C9orf43: variants seen among roughly 807,000 people sequenced by gnomAD.
C9orf43 encodes the protein chromosome 9 open reading frame 43, also known as uncharacterized protein C9orf43.
In C9orf43, 45 loss-of-function variants were observed where a neutral mutation model predicts 59.1. The ratio of observed to expected loss-of-function variants is 0.76; its 90% CI spans 0.60 to 0.98. The LOEUF is 0.98. Among genes scored for constraint, C9orf43 ranks in the 50% least tolerant of loss-of-function variants. The probability of loss-of-function intolerance (pLI) is 0.00; values close to 1 mark genes in which losing one functional copy is unlikely to be tolerated. For missense variants in C9orf43, 533 were observed against 554.9 expected (o/e 0.96, Z 0.40); for synonymous variants, 203 against 196.8 (o/e 1.03, Z -0.26).
intron 1 of C9orf43, among the ~76,000 whole-genome samples, chr9:113,411,588 C>T (rs904522590): frequency 9.9e-5 from 15 of 152,208 alleles, no homozygotes; most frequent in Non-Finnish European, 1.6e-4. Flanking sequence ...CGCCAGTCAC[C>T]GCGCCCGGCG....
intron 13 of C9orf43, 92 bp downstream of exon 13, chr9:113,429,055 C>A: frequency 6.8e-7 from 1 of 1,475,202 alleles, no homozygotes; most frequent in Non-Finnish European, 9.5e-7. Context: ...TCCCTGAAGG[C>A]ACAGTTCCTC....
Position 113,410,931 on chromosome 9 carries a change from G to T in C9orf43, c.-120G>T. ...TTTCTTTCCTGGAATGGAGTGGGCA[G>T]TCTTTTTCCATCTCTACCGAAGTTG... On this transcript the variant is annotated 5_prime_UTR_variant, in exon 1 of 14. Transcript: ENST00000374165. The T allele has an allele frequency of 1.0e-6, 1 of 986,546 alleles. No individual in the cohort carries two copies. Among genetic ancestry groups the T allele is most frequent in the Non-Finnish European group, 1.2e-6 (1 of 830,488 alleles). 61.1% of individuals were successfully genotyped at this position (986,546 alleles called of 1,614,324 possible).
rs750888132 is a variant in C9orf43, at chr9:113,425,468, C to T, written c.942+48C>T. 1.9e-6 allele frequency: 3 copies of T among 1,579,042 alleles called. No individual in the cohort carries two copies. The South Asian group carries it at 3.4e-5, about 18-fold the overall frequency. On this transcript the variant is annotated intron_variant, in intron 10 of 13. Transcript: ENST00000374165. ...GCTGGGACTGGGAGAGGTCTACAGC[C>T]TGGAATGGGAAGGGATGTATGAAAG...
At chr9:113,427,526 C>T (rs1402538620) in intron 11 of C9orf43, among the ~76,000 whole-genome samples, 1 of 152,198 alleles carries the variant, frequency 6.6e-6, no homozygotes, top group African/African-American at 2.4e-5. Context: ...GCTATTAAGT[C>T]AGAATTTCTG....
intron 6 of C9orf43, 118 bp downstream of exon 6, chr9:113,422,703 T>G (rs1009825694): frequency 6.3e-5 from 74 of 1,167,418 alleles, no homozygotes; most frequent in Non-Finnish European, 8.3e-5. Flanking sequence ...CCAAATCTGC[T>G]AAAGAAAACC....
intron 3 of C9orf43, among the ~76,000 whole-genome samples, chr9:113,417,115 A>G (rs1479458540): frequency 2.0e-5 from 3 of 152,170 alleles, no homozygotes; most frequent in Admixed American, 1.3e-4. Flanking sequence ...TCCCTACAAG[A>G]GCAGGGACCA....
In C9orf43 at chr9:113,423,494, A is replaced by C. The variant is rs1288707193; in HGVS notation, c.652A>C (p.Lys218Gln). The C allele has an allele frequency of 6.2e-7, 1 of 1,612,728 alleles. No individual in the cohort carries two copies. The highest frequency in any genetic ancestry group is 1.1e-5 in the South Asian group (1 of 91,058). The change falls in exon 7 of 14, where the codon AAG (lysine) becomes CAG (glutamine). Residue 218 changes from lysine to glutamine, a missense_variant. Coordinates refer to ENST00000374165, the MANE Select transcript of C9orf43 (RefSeq NM_001278629.2). ...QSEALPQDLL[K>Q]ELLPGGKQTM... The stretch of plus-strand genomic sequence containing the variant: ...CGAAGCGTTACCTCAGGATCTACTG[A>C]AGGAGTAAGTATCATGTAGGTCTGT...
intron 7 of C9orf43, 98 bp from the exon 8 acceptor site, chr9:113,424,068 G>A: frequency 7.0e-7 from 1 of 1,431,862 alleles, no homozygotes; most frequent in Admixed American, 2.4e-5. Flanking sequence ...CAGACCCAAA[G>A]TGGAAATTTC....
In C9orf43 at chr9:113,425,325, C is replaced by G; in HGVS notation, c.866-19C>G. On this transcript the variant is annotated intron_variant, in intron 9 of 13. Transcript: ENST00000374165. ...AGGGGGCTGTTAGAAGAGGATCAAGCTGGCTCTCTGGTCACCAGGTTACAG... is the reference window on the plus strand; with the variant it reads ...AGGGGGCTGTTAGAAGAGGATCAAGGTGGCTCTCTGGTCACCAGGTTACAG... The G allele has an allele frequency of 6.2e-7, 1 of 1,613,674 alleles. No individual in the cohort carries two copies.
intron 5 of C9orf43, among the ~76,000 whole-genome samples, chr9:113,421,550 A>T (rs1276645558): frequency 6.6e-6 from 1 of 152,064 alleles, no homozygotes; most frequent in Non-Finnish European, 1.5e-5. Flanking sequence ...TCAGTGAAGC[A>T]TGTGAATCTC....
intron 10 of C9orf43, 43 bp downstream of exon 10, chr9:113,425,463 A>G: frequency 6.3e-7 from 1 of 1,586,462 alleles, no homozygotes; most frequent in Non-Finnish European, 8.6e-7. Context: ...GGAGAGGTCT[A>G]CAGCCTGGAA....
At chr9:113,412,964 G>A (rs1489787308) in intron 1 of C9orf43, among the ~76,000 whole-genome samples, 1 of 152,232 alleles carries the variant, frequency 6.6e-6, no homozygotes, top group Non-Finnish European at 1.5e-5. Flanking sequence ...TCTTCCAGAA[G>A]TTTGGGCCTT....
chr9:113,412,110 T>G (rs1828187113), intron 1 of C9orf43, among the ~76,000 whole-genome samples: 1 of 152,192 alleles, frequency 6.6e-6, no homozygotes, highest in South Asian at 2.1e-4. Context: ...CTATGATAAA[T>G]GGCAACTGAA....
rs140460592 is a variant in C9orf43 at position 113,425,377 on chromosome 9, A to G, written c.899A>G (p.Gln300Arg). The G allele has an allele frequency of 4.3e-6, 7 of 1,613,912 alleles. No individual in the cohort carries two copies. Among genetic ancestry groups the G allele is most frequent in the Non-Finnish European group, 5.1e-6 (6 of 1,179,938 alleles). ...AAACAGCAGCAGCGGCAGCAGCAGC[A>G]GCAGCAGCAACAGAAGAAGGTGAAA... ...YRKQQQRQQQ[Q>R]QQQQKKVKTP... The change falls in exon 10 of 14, where the codon CAG (glutamine) becomes CGG (arginine). Residue 300 changes from glutamine (Q) to arginine (R), a missense_variant. By Grantham distance (43) the Gln-to-Arg change is conservative. Transcript: ENST00000374165.
In C9orf43 at chr9:113,425,673, G is replaced by A. The variant is rs1828762758; in HGVS notation, c.973G>A (p.Gly325Arg). 1.4e-5 allele frequency: 22 copies of A among 1,614,144 alleles called. No individual in the cohort carries two copies. Among genetic ancestry groups the A allele is most frequent in the Non-Finnish European group, 1.9e-5 (22 of 1,180,006 alleles). Residue 325 changes from glycine (G) to arginine (R), a missense_variant, in exon 11 of 14, where the codon GGG (glycine) becomes AGG (arginine). Physicochemically the swap from Gly to Arg is moderately radical, Grantham distance 125. Coordinates refer to ENST00000374165, the MANE Select transcript of C9orf43 (RefSeq NM_001278629.2). The stretch of plus-strand genomic sequence containing the variant: ...TAAAAAGAAAGCCAAGAGTGATCCA[G>A]GGATCCAGAGCACTTCACATAAACA... The part of the protein sequence containing the change: ...EAKKKAKSDP[G>R]IQSTSHKHPV...
At chr9:113,411,409 C>T (rs573827958) in intron 1 of C9orf43, among the ~76,000 whole-genome samples, 22 of 152,040 alleles carry the variant, frequency 1.4e-4, no homozygotes, top group Admixed American at 2.6e-4. Context: ...CGCCATTCTC[C>T]TACCTCAGCC....
At position 113,410,943 on chromosome 9, in the gene C9orf43, C is replaced by T. The variant is rs59478058; in HGVS notation, c.-108C>T. On this transcript the variant is annotated 5_prime_UTR_variant, in exon 1 of 14. Coordinates refer to ENST00000374165, the MANE Select transcript of C9orf43 (RefSeq NM_001278629.2). The stretch of plus-strand genomic sequence containing the variant: ...AATGGAGTGGGCAGTCTTTTTCCAT[C>T]TCTACCGAAGTTGATGTTCATTTTT... The T allele has an allele frequency of 1.0e-6, 1 of 986,476 alleles. No homozygotes were observed. 61.1% of individuals were successfully genotyped at this position (986,476 alleles called of 1,614,324 possible). A position where few individuals can be genotyped will look rare whatever the true frequency, so the allele number is the denominator to read the frequency against.
At position 113,421,118 on chromosome 9, in the gene C9orf43, T is replaced by TA; in HGVS notation, c.361_362insA (p.Leu121TyrfsTer3). 1 of 1,613,640 alleles carries TA rather than the reference T, an allele frequency of 6.2e-7. No individual in the cohort carries two copies. The highest frequency in any genetic ancestry group is 8.5e-7 in the Non-Finnish European group (1 of 1,179,712). ...TTTCTCTTAGTTTCCAGTGTTGAAT[T>TA]TGAATGAGACGCAACTTCCCTGCCC... On this transcript the variant is annotated frameshift_variant, in exon 5 of 14. Coordinates refer to ENST00000374165, the MANE Select transcript of C9orf43 (RefSeq NM_001278629.2). LOFTEE classifies it high-confidence loss of function.
chr9:113,417,664 TGGG>T (rs1404745835), intron 3 of C9orf43, among the ~76,000 whole-genome samples: 2 of 152,078 alleles, frequency 1.3e-5, no homozygotes, highest in Admixed American at 6.6e-5. Flanking sequence ...TCTAGTGAAA[TGGG>T]GGTTGTAGGT....
Sources: gnomAD v4.1 joint callset for allele counts (sites outside exome capture counted in the v4.1 genomes callset) on GRCh38, gnomAD v4.1.1 for gene constraint, MANE v1.5 for transcripts, NCBI Gene and HGNC (gene_info 2026-07-23, HGNC 2026-07-21) for gene names.